The following FER variants were observed in gnomAD, a reference collection of about 807,000 sequenced individuals.
FER encodes FER tyrosine kinase.
In FER, 63 loss-of-function variants were observed where a neutral mutation model predicts 111.0. The observed-to-expected ratio is 0.57, with a 90% CI of 0.46 to 0.70. The LOEUF (loss-of-function observed/expected upper bound fraction) is 0.70. FER is among the 30% of genes least tolerant of loss of function. The pLI, the probability that FER is intolerant of heterozygous loss-of-function variation, is 0.00. For synonymous variants in FER, 327 were observed against 313.9 expected (o/e 1.04, Z -0.44); for missense variants, 914 against 954.0 (o/e 0.96, Z 0.55).
At position 108,798,163 on chromosome 5, in the gene FER, GA is replaced by G. The variant is rs1272107293; in HGVS notation, c.-19del. On this transcript the variant is annotated 5_prime_UTR_variant, in exon 3 of 20. Coordinates refer to ENST00000281092, the MANE Select transcript of FER (RefSeq NM_005246.4). Reference sequence around the variant, plus strand: ...GAAGGCTCACTTGTGCAGTGTGGAGGATAACCAGTGCCTTACAAAATGGGGT... The same window carrying G: ...GAAGGCTCACTTGTGCAGTGTGGAGGTAACCAGTGCCTTACAAAATGGGGT... 3.1e-6 allele frequency: 5 copies of G among 1,604,362 alleles called. No individual in the cohort carries two copies. The African/African-American group carries it at 6.7e-5, about 21-fold the overall frequency.
Position 109,044,767 on chromosome 5 carries a change from T to C in FER, c.1801T>C (p.Leu601=), listed in dbSNP as rs183440274. ...ATGTAAAGAAGATCTTCCTCAGGAA[T>C]TGAAAATAAAATTTTTACAAGAAGC... ...KTCKEDLPQE[L]KIKFLQEAKI... The change falls in exon 15 of 20, where the codon TTG becomes CTG. Residue 601 remains leucine (L), a synonymous_variant. Coordinates refer to ENST00000281092, the MANE Select transcript of FER (RefSeq NM_005246.4). The C allele has an allele frequency of 4.5e-4, 715 of 1,577,078 alleles. 11 individuals are homozygous for C. In the East Asian group the frequency reaches 0.013, roughly 28 times the overall value.
intron 10 of FER, among the ~76,000 whole-genome samples, chr5:108,908,750 G>C (rs1751143701): frequency 6.6e-6 from 1 of 151,282 alleles, no homozygotes; most frequent in Non-Finnish European, 1.5e-5. Flanking sequence ...ATTTATATTT[G>C]AAGGCCAGGT....
At chr5:108,956,202 T>C (rs1758406819) in intron 12 of FER, among the ~76,000 whole-genome samples, 1 of 151,686 alleles carries the variant, frequency 6.6e-6, no homozygotes, top group South Asian at 2.1e-4. Context: ...TTGTAATTTG[T>C]ATATGCCTTT....
chr5:109,167,045 C>G (rs779443936), intron 17 of FER, among the ~76,000 whole-genome samples: 3 of 152,248 alleles, frequency 2.0e-5, no homozygotes, highest in South Asian at 2.1e-4. Context: ...TACCTTCAAA[C>G]TTGAAATTTT....
At position 108,857,801 on chromosome 5, in the gene FER, A is replaced by G. The variant is rs536438305; in HGVS notation, c.482-9966A>G. Among the ~76,000 whole-genome samples the G allele has an allele frequency of 2.0e-5, 3 of 152,302 alleles. No individual in the cohort carries two copies. In the East Asian group the frequency reaches 5.8e-4, roughly 29 times the overall value. On this transcript the variant is annotated intron_variant, in intron 5 of 19. Transcript: ENST00000281092. ...ATTTTTATTCATGGATTATAATTTT[A>G]TACTATCATAATGATATACTATCAT...
intron 10 of FER, among the ~76,000 whole-genome samples, chr5:108,944,848 T>TATAAA (rs775038081): frequency 0.13 from 20,394 of 152,124 alleles, 1,414 homozygotes; most frequent in Middle Eastern, 0.16. Flanking sequence ...AACCTTCATA[T>TATAAA]GAAAAGATGT....
chr5:108,953,982 T>A (rs965967627), intron 11 of FER, among the ~76,000 whole-genome samples: 1 of 152,126 alleles, frequency 6.6e-6, no homozygotes. Context: ...AATACAATCA[T>A]CTCTTAAATT....
rs930188081 is a variant in FER, at chr5:109,186,112, C to T, written c.2204-88C>T. ...ATTGACCAAACATCATTATGTGGTG[C>T]ATGACTGACACAGACATACATAACC... On this transcript the variant is annotated intron_variant, in intron 18 of 19. Transcript: ENST00000281092. The T allele has an allele frequency of 3.2e-6, 5 of 1,544,382 alleles. No homozygotes were observed. In the African/African-American group the frequency reaches 6.8e-5, roughly 21 times the overall value.
chr5:108,980,988 G>A (rs1041831827), intron 13 of FER, among the ~76,000 whole-genome samples: 27 of 152,172 alleles, frequency 1.8e-4, no homozygotes, highest in Admixed American at 7.9e-4. Flanking sequence ...GTGAGCACAC[G>A]CTGTTGGAAA....
At chr5:109,033,579 A>G (rs1769943450) in intron 13 of FER, among the ~76,000 whole-genome samples, 1 of 152,182 alleles carries the variant, frequency 6.6e-6, no homozygotes, top group Non-Finnish European at 1.5e-5. Flanking sequence ...GTAAAGCTTT[A>G]GCATCATCAT....
At chr5:109,184,776 A>G (rs1024394248) in intron 18 of FER, among the ~76,000 whole-genome samples, 1 of 152,212 alleles carries the variant, frequency 6.6e-6, no homozygotes, top group Non-Finnish European at 1.5e-5. Flanking sequence ...GGAGCTGATA[A>G]TCAGTTAGTA....
rs1750647855 is a variant in FER, at chr5:109,119,154, A to C, written c.2048+18635A>C. Reference sequence around the variant, plus strand: ...TTCTCTTGTGGGCATTTAGTGCTATAAATTTCCCTCTACACACTGCTTTGA... The same window carrying C: ...TTCTCTTGTGGGCATTTAGTGCTATCAATTTCCCTCTACACACTGCTTTGA... On this transcript the variant is annotated intron_variant, in intron 17 of 19. Coordinates refer to ENST00000281092, the MANE Select transcript of FER (RefSeq NM_005246.4). 3.3e-5 allele frequency among the ~76,000 whole-genome samples: 5 copies of C among 152,268 alleles called. No individual in the cohort carries two copies. In the South Asian group the frequency reaches 1.0e-3, roughly 32 times the overall value.
chr5:108,909,421 A>G (rs1252512944), intron 10 of FER, among the ~76,000 whole-genome samples: 1 of 152,232 alleles, frequency 6.6e-6, no homozygotes, highest in Non-Finnish European at 1.5e-5. Flanking sequence ...TCTCTATCAC[A>G]GTGTATCTAG....
rs144848588 is a variant in FER, at chr5:108,793,519, CG to C, written c.-59-4597del. Among the ~76,000 whole-genome samples, 665 of 103,220 alleles carry C rather than the reference CG, an allele frequency of 6.4e-3. 42 individuals carry two copies. The highest frequency in any genetic ancestry group is 0.046 in the Admixed American group (496 of 10,780). The allele number at this position is 103,220 out of a possible 152,430, so 67.7% of individuals were successfully genotyped here. ...GATATCTATTTTTTTTTTGGCGGGG[CG>C]GGGGGGGTGGTTATATACCCAGCAG... On this transcript the variant is annotated intron_variant, in intron 2 of 19. Transcript: ENST00000281092.
intron 1 of FER, among the ~76,000 whole-genome samples, chr5:108,761,358 A>G (rs559178136): frequency 6.6e-6 from 1 of 152,292 alleles, no homozygotes; most frequent in Admixed American, 6.5e-5. Flanking sequence ...GCCTAATATC[A>G]AATTGTTGTG....
chr5:109,093,477 A>G (rs1747078824), intron 16 of FER, among the ~76,000 whole-genome samples: 1 of 152,184 alleles, frequency 6.6e-6, no homozygotes, highest in South Asian at 2.1e-4. Context: ...ACACATTCTC[A>G]TAAATATGAA....
chr5:109,069,769 C>T (rs1020096428), intron 16 of FER, among the ~76,000 whole-genome samples: 2 of 152,034 alleles, frequency 1.3e-5, no homozygotes, highest in South Asian at 4.1e-4. Flanking sequence ...GTGTTATTTA[C>T]TTCAGAAGGA....
chr5:109,051,115 C>T (rs1356006354), intron 16 of FER, among the ~76,000 whole-genome samples: 1 of 152,002 alleles, frequency 6.6e-6, no homozygotes, highest in East Asian at 1.9e-4. Context: ...CTCTCTTATC[C>T]CCTCCCTCTC....
intron 13 of FER, among the ~76,000 whole-genome samples, chr5:109,028,072 A>C (rs967864012): frequency 1.3e-5 from 2 of 152,180 alleles, no homozygotes; most frequent in Non-Finnish European, 2.9e-5. Flanking sequence ...TCATTTATCT[A>C]GTGGAAATAA....
Sources: allele counts gnomAD v4.1 joint callset (sites outside exome capture counted in the v4.1 genomes callset), GRCh38; gene constraint gnomAD v4.1.1; transcripts MANE v1.5; gene names NCBI Gene and HGNC (gene_info 2026-07-23, HGNC 2026-07-21).